Variants in SNX29 observed in about 807,000 individuals in gnomAD.
The protein encoded by SNX29 is sorting nexin-29.
SNX29 carries 78 observed loss-of-function variants against 102.1 expected under a neutral mutation model. The observed-to-expected ratio is 0.76, with a 90% CI of 0.64 to 0.92. The LOEUF is 0.92. SNX29 is among the 40% of genes least tolerant of loss of function. The probability of loss-of-function intolerance (pLI) is 0.00; values close to 1 mark genes in which losing one functional copy is unlikely to be tolerated. For missense variants in SNX29, 1,280 were observed against 1,061.7 expected (o/e 1.21, Z -2.86); for synonymous variants, 580 against 414.5 (o/e 1.40, Z -4.85).
At chr16:12,140,984 A>G (rs950643339) in intron 13 of SNX29, among the ~76,000 whole-genome samples, 1 of 152,272 alleles carries the variant, frequency 6.6e-6, no homozygotes, top group African/African-American at 2.4e-5. Flanking sequence ...AAAGGAATTT[A>G]TAATACAAAA....
intron 14 of SNX29, among the ~76,000 whole-genome samples, chr16:12,235,563 A>T (rs973034739): frequency 6.7e-5 from 10 of 150,154 alleles, no homozygotes; most frequent in Admixed American, 5.3e-4. Context: ...TTACTTTCCT[A>T]TATTGATATA....
chr16:12,515,546 C>T, intron 19 of SNX29: 1 of 492,048 alleles, frequency 2.0e-6, no homozygotes, highest in Non-Finnish European at 4.0e-6. Context: ...GCAGCAGCAT[C>T]CTTGCTGGCC....
At chr16:11,994,299 G>C (rs1259837660) in intron 1 of SNX29, among the ~76,000 whole-genome samples, 1 of 152,154 alleles carries the variant, frequency 6.6e-6, no homozygotes, top group African/African-American at 2.4e-5. Context: ...TTTTCATTTT[G>C]ATGGTGATCT....
intron 11 of SNX29, among the ~76,000 whole-genome samples, chr16:12,116,692 G>A (rs369571414): frequency 9.8e-5 from 15 of 152,306 alleles, no homozygotes; most frequent in South Asian, 4.1e-4. Flanking sequence ...AAGGAATGAG[G>A]CACTGATACA....
At chr16:12,108,231 G>A (rs973037299) in intron 11 of SNX29, among the ~76,000 whole-genome samples, 2 of 152,218 alleles carry the variant, frequency 1.3e-5, no homozygotes, top group Non-Finnish European at 2.9e-5. Context: ...GATGAGCTAT[G>A]GTAGAGGTTA....
intron 4 of SNX29, chr16:12,029,754 G>C: frequency 2.8e-6 from 1 of 357,238 alleles, no homozygotes; most frequent in South Asian, 2.1e-5. Context: ...ACCATGTCTG[G>C]CTAATTTTTG....
chr16:12,441,051 G>A (rs1567565927), intron 18 of SNX29, among the ~76,000 whole-genome samples: 1 of 148,226 alleles, frequency 6.7e-6, no homozygotes, highest in Non-Finnish European at 1.5e-5. Context: ...ATATCCTCAA[G>A]TTTCATCTGT....
At chr16:12,327,604 C>T (rs1248338475) in intron 15 of SNX29, among the ~76,000 whole-genome samples, 1 of 152,118 alleles carries the variant, frequency 6.6e-6, no homozygotes, top group East Asian at 1.9e-4. Flanking sequence ...TCCTTAAAGC[C>T]TCTGTCTGCA....
intron 15 of SNX29, among the ~76,000 whole-genome samples, chr16:12,351,687 C>G (rs745921606): frequency 4.6e-5 from 7 of 152,034 alleles, no homozygotes; most frequent in Non-Finnish European, 1.0e-4. Flanking sequence ...TTTTGGAGAT[C>G]ATCTTTCCTG....
chr16:12,014,746 A>G (rs931605321), intron 3 of SNX29, among the ~76,000 whole-genome samples: 4 of 151,618 alleles, frequency 2.6e-5, no homozygotes, highest in South Asian at 2.1e-4. Context: ...AAAAAAAAAA[A>G]AAAAGAAAAG....
chr16:12,126,919 C>T (rs879434907), intron 12 of SNX29, among the ~76,000 whole-genome samples: 1 of 152,118 alleles, frequency 6.6e-6, no homozygotes, highest in Non-Finnish European at 1.5e-5. Context: ...ATAATGGCAC[C>T]TTCATAGAAC....
chr16:12,207,046 C>G (rs1315689797), intron 14 of SNX29, among the ~76,000 whole-genome samples: 1 of 151,978 alleles, frequency 6.6e-6, no homozygotes, highest in Non-Finnish European at 1.5e-5. Context: ...CAGAATTTGT[C>G]GCTTCATGTA....
intron 14 of SNX29, among the ~76,000 whole-genome samples, chr16:12,217,278 C>G (rs1331566344): frequency 6.6e-6 from 1 of 152,242 alleles, no homozygotes; most frequent in Non-Finnish European, 1.5e-5. Context: ...CCTTGGCCTC[C>G]CAAAGTTCTG....
intron 11 of SNX29, among the ~76,000 whole-genome samples, chr16:12,088,933 C>T: frequency 6.6e-6 from 1 of 152,048 alleles, no homozygotes; most frequent in East Asian, 1.9e-4. Flanking sequence ...ACTGACAGTA[C>T]AAAAATTAGC....
intron 15 of SNX29, among the ~76,000 whole-genome samples, chr16:12,338,331 G>C (rs2081512218): frequency 6.6e-6 from 1 of 152,072 alleles, no homozygotes; most frequent in Non-Finnish European, 1.5e-5. Flanking sequence ...CAGAACCCTG[G>C]GGATGTTCAG....
intron 16 of SNX29, among the ~76,000 whole-genome samples, chr16:12,380,438 CTACCT>C (rs2083041634): frequency 8.4e-6 from 1 of 118,432 alleles, no homozygotes; most frequent in Non-Finnish European, 1.8e-5. Flanking sequence ...ATCCACCTAG[CTACCT>C]ACCACCCACC....
At chr16:12,357,477 T>C (rs1244189799) in intron 16 of SNX29, among the ~76,000 whole-genome samples, 1 of 152,226 alleles carries the variant, frequency 6.6e-6, no homozygotes, top group Non-Finnish European at 1.5e-5. Flanking sequence ...GACCCATGCA[T>C]TGTAATTGGT....
At chr16:12,538,103 T>TA (rs2077159270) in intron 20 of SNX29, among the ~76,000 whole-genome samples, 1 of 146,220 alleles carries the variant, frequency 6.8e-6, no homozygotes, top group Non-Finnish European at 1.5e-5. Flanking sequence ...TTCACAGCTT[T>TA]CTGCATTTCC....
At chr16:12,051,628 G>A (rs1190758979) in intron 7 of SNX29, among the ~76,000 whole-genome samples, 1 of 152,216 alleles carries the variant, frequency 6.6e-6, no homozygotes, top group South Asian at 2.1e-4. Context: ...GATGTGCTCT[G>A]TGGTGTGTTT....
Sources: gnomAD v4.1 joint callset for allele counts (sites outside exome capture counted in the v4.1 genomes callset) on GRCh38, gnomAD v4.1.1 for gene constraint, MANE v1.5 for transcripts, NCBI Gene and HGNC (gene_info 2026-07-23, HGNC 2026-07-21) for gene names.